GAREM1: variants seen among roughly 807,000 people sequenced by gnomAD.
GAREM1 encodes GRB2-associated and regulator of MAPK protein 1.
A neutral mutation model predicts 71.3 loss-of-function variants in GAREM1; 26 were observed. The observed-to-expected ratio is 0.36, with a 90% confidence interval of 0.27 to 0.51. The LOEUF (loss-of-function observed/expected upper bound fraction) is 0.51, where lower values mean the gene tolerates loss of function less well. GAREM1 is among the 20% of genes least tolerant of loss of function. The probability of loss-of-function intolerance (pLI) is 0.95; values close to 1 mark genes in which losing one functional copy is unlikely to be tolerated. For synonymous variants in GAREM1, 440 were observed against 433.2 expected (o/e 1.02, Z -0.20); for missense variants, 1,026 against 1,103.1 (o/e 0.93, Z 0.99).
At chr18:32,307,860 T>C in intron 3 of GAREM1, among the ~76,000 whole-genome samples, 1 of 152,204 alleles carries the variant, frequency 6.6e-6, no homozygotes, top group East Asian at 1.9e-4. Flanking sequence ...AGACCATGAC[T>C]TCCAGCCTTT....
In GAREM1 at chr18:32,263,588, T is replaced by C. The variant is rs1490116533; in HGVS notation, c.*4283A>G. 2.0e-5 allele frequency: 3 copies of C among 152,178 alleles called. No homozygotes were observed. Among genetic ancestry groups the C allele is most frequent in the Non-Finnish European group, 4.4e-5 (3 of 68,034 alleles). The allele number at this position is 152,178 out of a possible 1,614,324, so 9.4% of individuals were successfully genotyped here. A position where few individuals can be genotyped will look rare whatever the true frequency, so the allele number is the denominator to read the frequency against. ...TTAAATCAACAGACAAGGAAATTTT[T>C]AGACATAACATACTGTGTTTATCTT... is the stretch of plus-strand genomic sequence containing the variant. On this transcript the variant is annotated 3_prime_UTR_variant, in exon 6 of 6. Transcript: ENST00000269209.
At chr18:32,333,565 T>C (rs772604328) in intron 2 of GAREM1, among the ~76,000 whole-genome samples, 3 of 152,158 alleles carry the variant, frequency 2.0e-5, no homozygotes, top group Non-Finnish European at 4.4e-5. Flanking sequence ...CAGGAGTTCT[T>C]GAGTAGTTTG....
At chr18:32,293,144 G>GACAC (rs533565242) in intron 3 of GAREM1, among the ~76,000 whole-genome samples, 1 of 150,448 alleles carries the variant, frequency 6.6e-6, no homozygotes, top group Non-Finnish European at 1.5e-5. Context: ...TAGACACACA[G>GACAC]ACACACACAC....
intron 1 of GAREM1, among the ~76,000 whole-genome samples, chr18:32,397,322 T>C (rs1376025915): frequency 1.3e-5 from 2 of 152,110 alleles, no homozygotes; most frequent in Non-Finnish European, 2.9e-5. Context: ...TAAATGTAAA[T>C]AGGCTAAATC....
chr18:32,405,189 A>AT (rs549137576), intron 1 of GAREM1, among the ~76,000 whole-genome samples: 19 of 149,978 alleles, frequency 1.3e-4, no homozygotes, highest in South Asian at 4.2e-4. Flanking sequence ...TTCTCTTACA[A>AT]TTTTTTTTTT....
At chr18:32,363,151 C>T (rs552456028) in intron 2 of GAREM1, among the ~76,000 whole-genome samples, 42 of 150,800 alleles carry the variant, frequency 2.8e-4, no homozygotes, top group African/African-American at 9.7e-4. Flanking sequence ...GTTTCCCTAG[C>T]GAATGTTACA....
At chr18:32,300,569 C>A (rs1182339116) in intron 3 of GAREM1, among the ~76,000 whole-genome samples, 1 of 152,128 alleles carries the variant, frequency 6.6e-6, no homozygotes, top group African/African-American at 2.4e-5. Flanking sequence ...AGAGTAGAAT[C>A]ACAAGCGGCT....
chr18:32,281,123 G>A (rs1307652974), intron 4 of GAREM1, among the ~76,000 whole-genome samples: 1 of 152,222 alleles, frequency 6.6e-6, no homozygotes, highest in Non-Finnish European at 1.5e-5. Flanking sequence ...ATCCCCACAG[G>A]AACTGACTCA....
chr18:32,462,921 G>A (rs923725024), intron 1 of GAREM1, among the ~76,000 whole-genome samples: 7 of 152,106 alleles, frequency 4.6e-5, no homozygotes, highest in Admixed American at 1.3e-4. Context: ...ACTGGGGAGG[G>A]CAGAGAAAAG....
At chr18:32,285,095 T>C (rs946801526) in intron 4 of GAREM1, among the ~76,000 whole-genome samples, 6 of 152,226 alleles carry the variant, frequency 3.9e-5, no homozygotes, top group East Asian at 3.9e-4. Context: ...TCTTAGGGAA[T>C]TGCTGACATA....
intron 2 of GAREM1, among the ~76,000 whole-genome samples, chr18:32,336,806 A>G (rs1385867292): frequency 6.6e-6 from 1 of 152,254 alleles, no homozygotes; most frequent in Non-Finnish European, 1.5e-5. Context: ...GCCTTAGACC[A>G]GATGGGCTCC....
intron 2 of GAREM1, among the ~76,000 whole-genome samples, chr18:32,325,117 C>A (rs1024473260): frequency 2.0e-5 from 3 of 152,084 alleles, no homozygotes; most frequent in Non-Finnish European, 4.4e-5. Context: ...CGCCACCATG[C>A]CCAGCTAATT....
At chr18:32,370,720 CATTAAG>C (rs1203140879) in intron 2 of GAREM1, among the ~76,000 whole-genome samples, 2 of 152,052 alleles carry the variant, frequency 1.3e-5, no homozygotes, top group African/African-American at 4.8e-5. Flanking sequence ...CTAATACTAA[CATTAAG>C]ATTATGTTCA....
chr18:32,389,606 TA>T (rs995946884), intron 2 of GAREM1, among the ~76,000 whole-genome samples: 101 of 151,914 alleles, frequency 6.6e-4, no homozygotes, highest in South Asian at 2.9e-3. Flanking sequence ...TTAGCTGCCC[TA>T]AAAAAAAGTA....
intron 1 of GAREM1, among the ~76,000 whole-genome samples, chr18:32,447,709 G>A (rs906037113): frequency 6.6e-6 from 1 of 152,020 alleles, no homozygotes; most frequent in Non-Finnish European, 1.5e-5. Context: ...AGTACTAAAA[G>A]TACCAAATTT....
chr18:32,410,577 T>G (rs1349680288), intron 1 of GAREM1, among the ~76,000 whole-genome samples: 1 of 152,130 alleles, frequency 6.6e-6, no homozygotes, highest in African/African-American at 2.4e-5. Flanking sequence ...TTTAAACTCC[T>G]GGTCTCAAGA....
At chr18:32,392,581 C>G (rs550208839) in intron 2 of GAREM1, among the ~76,000 whole-genome samples, 21 of 152,200 alleles carry the variant, frequency 1.4e-4, no homozygotes, top group Non-Finnish European at 2.6e-4. Flanking sequence ...CAGGATTCCT[C>G]AGAGACATGA....
Position 32,304,769 on chromosome 18 carries a change from T to C in GAREM1, c.393+5424A>G, listed in dbSNP as rs149187261. ...GTGACCCGCCCATGGTCAGAGTCAA[T>C]GCCTGGGGCAGGGTTCTGAACTCAC... is the stretch of plus-strand genomic sequence containing the variant. On this transcript the variant is annotated intron_variant, in intron 3 of 5. Coordinates refer to ENST00000269209, the MANE Select transcript of GAREM1 (RefSeq NM_001242409.2). Among the ~76,000 whole-genome samples the C allele has an allele frequency of 7.3e-3, 1,107 of 152,314 alleles. 3 individuals carry two copies. Among genetic ancestry groups the C allele is most frequent in the Non-Finnish European group, 0.012 (810 of 68,028 alleles).
chr18:32,339,483 C>A (rs902112709), intron 2 of GAREM1, among the ~76,000 whole-genome samples: 1 of 152,134 alleles, frequency 6.6e-6, no homozygotes, highest in Non-Finnish European at 1.5e-5. Flanking sequence ...AATGTGGAAT[C>A]CTTATAGACT....
Sources: gnomAD v4.1 joint callset for allele counts (sites outside exome capture counted in the v4.1 genomes callset) on GRCh38, gnomAD v4.1.1 for gene constraint, MANE v1.5 for transcripts, NCBI Gene and HGNC (gene_info 2026-07-23, HGNC 2026-07-21) for gene names.